NF2: variants seen among roughly 807,000 people sequenced by gnomAD.
NF2 encodes the protein NF2, moesin-ezrin-radixin like (MERLIN) tumor suppressor.
NF2 carries 8 observed loss-of-function variants against 83.7 expected under a neutral mutation model. That is an observed-to-expected ratio of 0.10 (90% confidence interval 0.06 to 0.17). The LOEUF (loss-of-function observed/expected upper bound fraction) is 0.17. Ranked by LOEUF, NF2 falls within the 10% of genes least tolerant of loss-of-function variation. NF2 has a pLI of 1.00. For missense variants in NF2, 533 were observed against 744.4 expected (o/e 0.72, Z 3.31); for synonymous variants, 266 against 269.6 (o/e 0.99, Z 0.13).
chr22:29,676,138 G>A (rs1205485639), intron 13 of NF2, among the ~76,000 whole-genome samples: 4 of 151,984 alleles, frequency 2.6e-5, no homozygotes, highest in Non-Finnish European at 5.9e-5. Flanking sequence ...GAACACCTGA[G>A]ATGTGTTATG....
intron 15 of NF2, among the ~76,000 whole-genome samples, chr22:29,693,468 A>C (rs2067459719): frequency 6.6e-6 from 1 of 152,210 alleles, no homozygotes; most frequent in Non-Finnish European, 1.5e-5. Flanking sequence ...CTGATGGTGA[A>C]GTGGTGGGTT....
In NF2 at chr22:29,661,285, C is replaced by T. The variant is rs2147009856; in HGVS notation, c.756C>T (p.Pro252=). ...HIYDPENRLT[P]KISFPWNEIR... ...ATGACCCTGAGAACAGACTGACCCC[C>T]AAGATCTCCTTCCCGTGGAATGAAA... is the stretch of plus-strand genomic sequence containing the variant. Residue 252 remains proline (P), a synonymous_variant, in exon 8 of 16, where the codon CCC becomes CCT. Transcript: ENST00000338641. 1 of 1,614,252 alleles carries T rather than the reference C, an allele frequency of 6.2e-7. No individual in the cohort carries two copies. The highest frequency in any genetic ancestry group is 2.2e-5 in the East Asian group (1 of 44,888).
chr22:29,673,353 G>A lies in NF2; in HGVS notation c.1207G>A (p.Ala403Thr), dbSNP rs2066861004. The A allele has an allele frequency of 1.2e-6, 2 of 1,606,714 alleles. No homozygotes were observed. Among genetic ancestry groups the A allele is most frequent in the Non-Finnish European group, 8.5e-7 (1 of 1,177,244 alleles). ...GGCAAAACTTCTGGCCCAGAAGGCC[G>A]CAGAGGCTGAGCAGGAAATGCAGCG... Reference protein sequence around the residue: ...EEAKLLAQKAAEAEQEMQRIK... With the variant: ...EEAKLLAQKATEAEQEMQRIK... Residue 403 changes from alanine (A) to threonine (T), a missense_variant, in exon 12 of 16, where the codon GCA becomes ACA. Physicochemically the swap from Ala to Thr is moderately conservative, Grantham distance 58 (BLOSUM62 0). Around this residue, in one of 3 missense-constraint regions of NF2, gnomAD observed 8 missense variants for 28.6 expected, o/e 0.28. Coordinates refer to ENST00000338641, the MANE Select transcript of NF2 (RefSeq NM_000268.4).
At chr22:29,628,006 G>A (rs1447790430) in intron 1 of NF2, among the ~76,000 whole-genome samples, 1 of 152,130 alleles carries the variant, frequency 6.6e-6, no homozygotes, top group Non-Finnish European at 1.5e-5. Context: ...TCATTAATTG[G>A]AAGACTGTTC....
At chr22:29,637,253 G>A (rs558963191) in intron 2 of NF2, among the ~76,000 whole-genome samples, 39 of 152,312 alleles carry the variant, frequency 2.6e-4, no homozygotes, top group Middle Eastern at 3.4e-3. Flanking sequence ...ATTGGGGCTT[G>A]TGTTCTTTAG....
intron 5 of NF2, 150 bp downstream of exon 5, chr22:29,654,875 T>G: frequency 2.2e-5 from 15 of 683,330 alleles, no homozygotes; most frequent in East Asian, 5.7e-5. Flanking sequence ...GTGGGATCTC[T>G]GTTAAGAATA....
At chr22:29,682,796 A>G (rs1277543151) in intron 15 of NF2, among the ~76,000 whole-genome samples, 1 of 152,156 alleles carries the variant, frequency 6.6e-6, no homozygotes, top group Non-Finnish European at 1.5e-5. Flanking sequence ...TCTGGGTCCC[A>G]GGAACAGTCT....
At chr22:29,663,371 A>C (rs540826912) in intron 8 of NF2, among the ~76,000 whole-genome samples, 1 of 152,350 alleles carries the variant, frequency 6.6e-6, no homozygotes, top group African/African-American at 2.4e-5. Flanking sequence ...GACAGGCGCC[A>C]TCATGTTCCA....
Position 29,673,280 on chromosome 22 carries a change from G to A in NF2, c.1134G>A (p.Glu378=), listed in dbSNP as rs1257217777. Reference sequence around the variant, plus strand: ...ACTGTGCCCTCCAGATGCGGTCTGAGGAGACAGCTGACCTGTTGGCTGAAA... The same window carrying A: ...ACTGTGCCCTCCAGATGCGGTCTGAAGAGACAGCTGACCTGTTGGCTGAAA... ...TMANEALMRS[E]ETADLLAEKA... is the part of the protein sequence containing the mutation. The change falls in exon 12 of 16, where the codon GAG becomes GAA. Residue 378 remains glutamate, a synonymous_variant. Transcript: ENST00000338641. 6.3e-7 allele frequency: 1 copy of A among 1,575,170 alleles called. No individual in the cohort carries two copies.
chr22:29,651,269 C>T (rs1305746894), intron 4 of NF2, among the ~76,000 whole-genome samples: 4 of 152,084 alleles, frequency 2.6e-5, no homozygotes, highest in African/African-American at 7.2e-5. Context: ...ATAGAGCCTC[C>T]GTTTAACCTA....
intron 6 of NF2, 114 bp downstream of exon 6, chr22:29,655,790 CTA>C: frequency 1.2e-6 from 1 of 846,230 alleles, no homozygotes; most frequent in South Asian, 1.5e-5. Context: ...GTACTGAAGT[CTA>C]TAAAAGAAAA....
At chr22:29,633,293 A>G (rs769808003) in intron 1 of NF2, among the ~76,000 whole-genome samples, 3 of 152,156 alleles carry the variant, frequency 2.0e-5, no homozygotes, top group Non-Finnish European at 4.4e-5. Flanking sequence ...TTGCTGGTCT[A>G]TCCCTGCCAG....
chr22:29,613,351 G>A (rs773586234), intron 1 of NF2, among the ~76,000 whole-genome samples: 6 of 152,072 alleles, frequency 3.9e-5, no homozygotes, highest in Non-Finnish European at 5.9e-5. Flanking sequence ...GCAACATGGC[G>A]AAATCTTGTC....
At chr22:29,635,479 C>T (rs1381346293) in intron 1 of NF2, among the ~76,000 whole-genome samples, 3 of 152,094 alleles carry the variant, frequency 2.0e-5, no homozygotes, top group African/African-American at 7.2e-5. Context: ...CAGGCATGCG[C>T]TACCACACCT....
chr22:29,628,990 C>G (rs935663558), intron 1 of NF2, among the ~76,000 whole-genome samples: 7 of 152,014 alleles, frequency 4.6e-5, no homozygotes, highest in Non-Finnish European at 8.8e-5. Flanking sequence ...AGGATTGGTA[C>G]AGCAGAGGAA....
intron 15 of NF2, among the ~76,000 whole-genome samples, chr22:29,687,558 G>A (rs117133232): frequency 6.6e-6 from 1 of 152,320 alleles, no homozygotes; most frequent in Non-Finnish European, 1.5e-5. Flanking sequence ...GCGACCTCTG[G>A]TCTGCATTGC....
chr22:29,632,467 G>GTGCTGAAACCCCACTC (rs1186584616), intron 1 of NF2, among the ~76,000 whole-genome samples: 1 of 152,202 alleles, frequency 6.6e-6, no homozygotes, highest in African/African-American at 2.4e-5. Flanking sequence ...AAGTGTTATA[G>GTGCTGAAACCCCACTC]TGCTGAAAGC....
In NF2 at chr22:29,639,316, A is replaced by C. The variant is rs186336580; in HGVS notation, c.363+104A>C. On this transcript the variant is annotated intron_variant, in intron 3 of 15. Transcript: ENST00000338641. Reference sequence around the variant, plus strand: ...ACAAACACCTTTGTATTGCAAAAATATTCTACCTCTGGAAGGTCAGCCCCT... The same window carrying C: ...ACAAACACCTTTGTATTGCAAAAATCTTCTACCTCTGGAAGGTCAGCCCCT... The C allele has an allele frequency of 2.0e-4, 279 of 1,414,306 alleles. No individual in the cohort carries two copies. In the East Asian group the frequency reaches 3.4e-3, roughly 17 times the overall value. The allele number at this position is 1,414,306 out of a possible 1,614,324, so 87.6% of individuals were successfully genotyped here.
At chr22:29,604,272 T>C (rs751476570) in intron 1 of NF2, among the ~76,000 whole-genome samples, 160 bp downstream of exon 1, 23 of 152,212 alleles carry the variant, frequency 1.5e-4, no homozygotes, top group Non-Finnish European at 2.8e-4. Flanking sequence ...CTTTTTTTCA[T>C]AGGACTTTTG....
Sources: gnomAD v4.1 joint callset for allele counts (sites outside exome capture counted in the v4.1 genomes callset) on GRCh38, gnomAD v4.1.1 for gene constraint, gnomAD v4.1.1 regional missense constraint, MANE v1.5 for transcripts, NCBI Gene and HGNC (gene_info 2026-07-23, HGNC 2026-07-21) for gene names.